The following CDH12 variants were observed in gnomAD, a reference collection of about 807,000 sequenced individuals.
CDH12 encodes cadherin-12.
Under a neutral mutation model 74.1 loss-of-function variants are expected in CDH12, and 41 were observed. The ratio of observed to expected loss-of-function variants is 0.55; its 90% confidence interval spans 0.43 to 0.72. CDH12 has a LOEUF of 0.72. Among genes scored for constraint, CDH12 ranks in the 30% least tolerant of loss-of-function variants. CDH12 has a pLI of 0.00. For missense variants in CDH12, 945 were observed against 977.2 expected (o/e 0.97, Z 0.44); for synonymous variants, 399 against 355.0 (o/e 1.12, Z -1.39).
At chr5:22,806,445 C>T (rs868426331) in intron 1 of CDH12, among the ~76,000 whole-genome samples, 5 of 151,368 alleles carry the variant, frequency 3.3e-5, no homozygotes, top group African/African-American at 9.7e-5. Flanking sequence ...CTCCGCCTCC[C>T]GGGTTCACGC....
At chr5:22,169,451 C>T (rs922643424) in intron 4 of CDH12, among the ~76,000 whole-genome samples, 3 of 151,940 alleles carry the variant, frequency 2.0e-5, no homozygotes, top group African/African-American at 7.2e-5. Flanking sequence ...TTCAGTCAAA[C>T]TGTTATGCAG....
intron 2 of CDH12, among the ~76,000 whole-genome samples, chr5:22,453,447 A>G (rs1745134090): frequency 6.6e-6 from 1 of 152,138 alleles, no homozygotes; most frequent in African/African-American, 2.4e-5. Flanking sequence ...ACATAGATGA[A>G]TGTAGAGGAC....
intron 2 of CDH12, among the ~76,000 whole-genome samples, chr5:22,492,163 C>T (rs909415170): frequency 4.6e-5 from 7 of 151,978 alleles, no homozygotes; most frequent in East Asian, 1.9e-4. Context: ...CAGATAACAG[C>T]GCCCTGGAGA....
chr5:22,846,273 G>A (rs981676187), intron 1 of CDH12, among the ~76,000 whole-genome samples: 1 of 152,158 alleles, frequency 6.6e-6, no homozygotes, highest in Non-Finnish European at 1.5e-5. Context: ...TAGATTCCTA[G>A]ATAGAAATAT....
At chr5:22,487,414 A>T (rs1443756073) in intron 2 of CDH12, among the ~76,000 whole-genome samples, 1 of 152,192 alleles carries the variant, frequency 6.6e-6, no homozygotes, top group East Asian at 1.9e-4. Flanking sequence ...ATAATCACAT[A>T]ATTTGACAAT....
chr5:22,432,060 T>C (rs1744195860), intron 2 of CDH12, among the ~76,000 whole-genome samples: 1 of 152,176 alleles, frequency 6.6e-6, no homozygotes, highest in Non-Finnish European at 1.5e-5. Flanking sequence ...ATGGTGACTC[T>C]GACTCACCCA....
chr5:22,350,690 A>G (rs1740322928), intron 3 of CDH12, among the ~76,000 whole-genome samples: 2 of 152,254 alleles, frequency 1.3e-5, no homozygotes, highest in South Asian at 4.1e-4. Context: ...GGATACAATT[A>G]TAGATAACAT....
chr5:22,475,006 T>C (rs1451879789), intron 2 of CDH12, among the ~76,000 whole-genome samples: 2 of 151,352 alleles, frequency 1.3e-5, no homozygotes, highest in African/African-American at 4.9e-5. Context: ...TCTCTACTAC[T>C]AAGCAAAATC....
intron 1 of CDH12, among the ~76,000 whole-genome samples, chr5:22,825,570 ATGTG>A (rs1191391581): frequency 6.6e-6 from 1 of 152,190 alleles, no homozygotes; most frequent in Non-Finnish European, 1.5e-5. Flanking sequence ...GCTTGGCCAA[ATGTG>A]AGTGAGTAAG....
chr5:22,258,607 C>A (rs1753403208), intron 3 of CDH12, among the ~76,000 whole-genome samples: 3 of 151,778 alleles, frequency 2.0e-5, no homozygotes, highest in Admixed American at 1.3e-4. Flanking sequence ...CTGACTTACT[C>A]AGAACAGCTT....
intron 3 of CDH12, among the ~76,000 whole-genome samples, chr5:22,317,577 GA>G (rs1008515030): frequency 3.3e-5 from 5 of 152,048 alleles, no homozygotes; most frequent in Non-Finnish European, 7.4e-5. Context: ...ATTGTAAACT[GA>G]ATACGCAGTT....
chr5:22,357,913 T>G (rs569880374), intron 3 of CDH12, among the ~76,000 whole-genome samples: 1 of 152,266 alleles, frequency 6.6e-6, no homozygotes, highest in East Asian at 1.9e-4. Flanking sequence ...TGTCAAAAAT[T>G]TTTAACCTTA....
intron 1 of CDH12, among the ~76,000 whole-genome samples, chr5:22,678,046 G>GCGGC (rs1554058351): frequency 6.7e-5 from 8 of 118,994 alleles, no homozygotes; most frequent in Admixed American, 3.9e-4. Flanking sequence ...CATCCTCATG[G>GCGGC]GGGGGGGGGT....
chr5:22,624,873 T>C (rs1000360900), intron 1 of CDH12, among the ~76,000 whole-genome samples: 1 of 152,164 alleles, frequency 6.6e-6, no homozygotes. Context: ...ATGTTTATTG[T>C]GGCACTATTC....
chr5:21,898,497 T>C (rs1456827424), intron 6 of CDH12, among the ~76,000 whole-genome samples: 1 of 151,864 alleles, frequency 6.6e-6, no homozygotes, highest in Non-Finnish European at 1.5e-5. Context: ...GGTCAGGAGA[T>C]CGAGACCATC....
At chr5:22,154,486 CACATATATAT>C (rs1747877433) in intron 4 of CDH12, among the ~76,000 whole-genome samples, 1 of 34,796 alleles carries the variant, frequency 2.9e-5, no homozygotes. Context: ...TATATATGTA[CACATATATAT>C]GTACACATAT....
chr5:21,912,464 T>TA, intron 6 of CDH12, among the ~76,000 whole-genome samples: 2 of 152,094 alleles, frequency 1.3e-5, no homozygotes. Context: ...AAGCTGAGAA[T>TA]AAAAGATATC....
chr5:22,043,024 T>A (rs1436162856), intron 5 of CDH12, among the ~76,000 whole-genome samples: 6 of 152,016 alleles, frequency 3.9e-5, no homozygotes, highest in African/African-American at 9.7e-5. Context: ...TGAGCATTTT[T>A]AAAAAATCAA....
chr5:22,024,192 G>A (rs771846522), intron 5 of CDH12, among the ~76,000 whole-genome samples: 6 of 152,036 alleles, frequency 3.9e-5, no homozygotes, highest in African/African-American at 7.2e-5. Flanking sequence ...CTACATATAC[G>A]GAAGATAATT....
Sources: allele counts gnomAD v4.1 joint callset (sites outside exome capture counted in the v4.1 genomes callset), GRCh38; gene constraint gnomAD v4.1.1; transcripts MANE v1.5; gene names NCBI Gene and HGNC (gene_info 2026-07-23, HGNC 2026-07-21).